Variants in SLC24A3 observed in about 807,000 individuals in gnomAD.
SLC24A3 encodes the protein sodium/potassium/calcium exchanger 3.
A neutral mutation model predicts 75.8 loss-of-function variants in SLC24A3; 28 were observed. The ratio of observed to expected loss-of-function variants is 0.37; its 90% CI spans 0.27 to 0.51. The LOEUF is 0.51. Ranked by LOEUF, SLC24A3 falls within the 20% of genes least tolerant of loss-of-function variation. SLC24A3 has a pLI of 0.94. For synonymous variants in SLC24A3, 372 were observed against 334.1 expected, an observed-to-expected ratio of 1.11 and a Z score of -1.24; for missense variants, 663 against 847.8, an observed-to-expected ratio of 0.78 and a Z score of 2.71.
chr20:19,269,305 C>G (rs1194796250), intron 1 of SLC24A3, among the ~76,000 whole-genome samples: 4 of 152,180 alleles, frequency 2.6e-5, no homozygotes, highest in Non-Finnish European at 5.9e-5. Context: ...TTCTGCCTCT[C>G]AAATGTGGGA....
intron 2 of SLC24A3, among the ~76,000 whole-genome samples, chr20:19,383,451 C>T (rs1986219229): frequency 6.6e-6 from 1 of 152,050 alleles, no homozygotes; most frequent in African/African-American, 2.4e-5. Context: ...CCTGAAGCTA[C>T]ATGTAGTATA....
chr20:19,311,224 C>T (rs6112308), intron 2 of SLC24A3, among the ~76,000 whole-genome samples: 43,768 of 151,972 alleles, frequency 0.29, 7,035 homozygotes, highest in Middle Eastern at 0.51. Context: ...TGAACCTAAA[C>T]CTCATGTTCA....
intron 2 of SLC24A3, among the ~76,000 whole-genome samples, chr20:19,342,337 T>A (rs1482159077): frequency 6.6e-6 from 1 of 152,224 alleles, no homozygotes; most frequent in Non-Finnish European, 1.5e-5. Flanking sequence ...GCCCAAGCAC[T>A]GTGGGAAACT....
chr20:19,669,424 C>T (rs1465098216), intron 8 of SLC24A3, among the ~76,000 whole-genome samples: 1 of 152,056 alleles, frequency 6.6e-6, no homozygotes, highest in Non-Finnish European at 1.5e-5. Context: ...ATAGCTTGAA[C>T]CCTGGCAGCG....
intron 12 of SLC24A3, among the ~76,000 whole-genome samples, chr20:19,687,354 T>C (rs2032689132): frequency 6.6e-6 from 1 of 152,128 alleles, no homozygotes; most frequent in African/African-American, 2.4e-5. Context: ...TGAGGACTCT[T>C]TGCAGCTAGA....
chr20:19,376,752 G>A (rs1012063382), intron 2 of SLC24A3, among the ~76,000 whole-genome samples: 7 of 151,998 alleles, frequency 4.6e-5, no homozygotes, highest in African/African-American at 7.3e-5. Flanking sequence ...ATCCAGTAGC[G>A]TTCACGGCTG....
chr20:19,251,605 A>G (rs1453733802), intron 1 of SLC24A3, among the ~76,000 whole-genome samples: 1 of 152,154 alleles, frequency 6.6e-6, no homozygotes, highest in Non-Finnish European at 1.5e-5. Flanking sequence ...AGTCTGTGGA[A>G]CAGGCTTCAG....
intron 2 of SLC24A3, among the ~76,000 whole-genome samples, chr20:19,406,547 T>C (rs568906670): frequency 6.6e-6 from 1 of 152,316 alleles, no homozygotes; most frequent in South Asian, 2.1e-4. Flanking sequence ...GATTTCTACC[T>C]TAAAGGAATT....
intron 2 of SLC24A3, among the ~76,000 whole-genome samples, chr20:19,427,074 T>C (rs1415042526): frequency 2.0e-5 from 3 of 152,022 alleles, no homozygotes; most frequent in Non-Finnish European, 4.4e-5. Context: ...TGTGCATGTG[T>C]GTGTGTGCGT....
chr20:19,455,094 G>T (rs2122487847), intron 2 of SLC24A3, among the ~76,000 whole-genome samples: 1 of 152,214 alleles, frequency 6.6e-6, no homozygotes, highest in South Asian at 2.1e-4. Context: ...CCATTCCCAA[G>T]CTAAGCATTT....
At chr20:19,631,830 C>T (rs917283139) in intron 6 of SLC24A3, among the ~76,000 whole-genome samples, 3 of 113,656 alleles carry the variant, frequency 2.6e-5, no homozygotes, top group African/African-American at 1.1e-4. Flanking sequence ...GTGTATGTAA[C>T]CACAATTTTT....
chr20:19,353,831 C>T (rs1985624993), intron 2 of SLC24A3, among the ~76,000 whole-genome samples: 1 of 152,178 alleles, frequency 6.6e-6, no homozygotes, highest in Admixed American at 6.5e-5. Context: ...CAAGTCTTGT[C>T]AAGGATGTGA....
intron 6 of SLC24A3, among the ~76,000 whole-genome samples, chr20:19,628,845 A>G (rs1214140070): frequency 6.6e-6 from 1 of 152,152 alleles, no homozygotes; most frequent in Non-Finnish European, 1.5e-5. Flanking sequence ...GGCCTGCAGA[A>G]TCTCTAGTGG....
chr20:19,720,747 T>C (rs538657219), intron 16 of SLC24A3, among the ~76,000 whole-genome samples: 2 of 152,216 alleles, frequency 1.3e-5, no homozygotes, highest in South Asian at 2.1e-4. Context: ...TTGTGAGTCC[T>C]GCCATTTGTT....
At chr20:19,617,198 C>T (rs2031747344) in intron 6 of SLC24A3, among the ~76,000 whole-genome samples, 1 of 152,232 alleles carries the variant, frequency 6.6e-6, no homozygotes, top group African/African-American at 2.4e-5. Context: ...AATTCATTTT[C>T]CCTGGACTCT....
intron 12 of SLC24A3, among the ~76,000 whole-genome samples, chr20:19,692,909 A>G (rs532654231): frequency 6.6e-6 from 1 of 151,800 alleles, no homozygotes; most frequent in South Asian, 2.1e-4. Context: ...CTGCACCTAC[A>G]CACATTCCAC....
intron 4 of SLC24A3, 148 bp from the exon 5 acceptor site, chr20:19,584,823 C>T (rs2031271620): frequency 1.6e-6 from 1 of 627,330 alleles, no homozygotes; most frequent in African/African-American, 1.8e-5. Flanking sequence ...CTGAGAGGGA[C>T]TAAGTACCAG....
chr20:19,349,287 T>C (rs1985510194), intron 2 of SLC24A3, among the ~76,000 whole-genome samples: 1 of 152,210 alleles, frequency 6.6e-6, no homozygotes, highest in African/African-American at 2.4e-5. Context: ...TCTGTGCCTC[T>C]AGACTAACAT....
chr20:19,403,929 C>A (rs1407370812), intron 2 of SLC24A3, among the ~76,000 whole-genome samples: 1 of 152,134 alleles, frequency 6.6e-6, no homozygotes, highest in Non-Finnish European at 1.5e-5. Flanking sequence ...AATGGGTAAC[C>A]CTCATGATAA....
Sources: gnomAD v4.1 joint callset for allele counts (sites outside exome capture counted in the v4.1 genomes callset) on GRCh38, gnomAD v4.1.1 for gene constraint, MANE v1.5 for transcripts, NCBI Gene and HGNC (gene_info 2026-07-23, HGNC 2026-07-21) for gene names.